Variants in TENM2 observed in about 807,000 individuals in gnomAD.
The protein encoded by TENM2 is teneurin-2.
In TENM2, 52 loss-of-function variants were observed where a neutral mutation model predicts 245.2. The observed-to-expected ratio is 0.21, with a 90% CI of 0.17 to 0.27. The LOEUF is 0.27. Among genes scored for constraint, TENM2 ranks in the 10% least tolerant of loss-of-function variants. TENM2 has a pLI of 1.00. For missense variants in TENM2, 3,046 were observed against 3,666.8 expected (o/e 0.83, Z 4.37); for synonymous variants, 1,363 against 1,438.9 (o/e 0.95, Z 1.19).
chr5:167,523,506 G>A (rs1460315594), intron 2 of TENM2, among the ~76,000 whole-genome samples: 1 of 152,054 alleles, frequency 6.6e-6, no homozygotes, highest in African/African-American at 2.4e-5. Context: ...ACACATAAAT[G>A]TGTAGACACA....
chr5:167,959,244 GAGTGC>G (rs1733255476), intron 4 of TENM2, among the ~76,000 whole-genome samples: 3 of 150,426 alleles, frequency 2.0e-5, no homozygotes, highest in African/African-American at 7.4e-5. Context: ...GCCCAGGCTG[GAGTGC>G]AGTGGCGCGA....
chr5:167,639,995 T>A lies in TENM2; in HGVS notation c.503-235991T>A, dbSNP rs184035608. The stretch of plus-strand genomic sequence containing the variant: ...GATTTGTCACCAAAATGACACAGCC[T>A]GATAGTGCAGTTCTAGGAAATTATG... On this transcript the variant is annotated intron_variant, in intron 2 of 28. Transcript: ENST00000518659. Among the ~76,000 whole-genome samples the A allele has an allele frequency of 2.8e-4, 43 of 152,352 alleles. 2 individuals are homozygous for A. The East Asian group carries it at 7.3e-3, about 26-fold the overall frequency.
chr5:167,709,672 C>T (rs1758775489), intron 2 of TENM2, among the ~76,000 whole-genome samples: 1 of 152,140 alleles, frequency 6.6e-6, no homozygotes, highest in Non-Finnish European at 1.5e-5. Context: ...CTCAATCTCC[C>T]CTCTCTTCAG....
At chr5:168,131,059 A>G (rs1443576339) in intron 12 of TENM2, among the ~76,000 whole-genome samples, 1 of 152,224 alleles carries the variant, frequency 6.6e-6, no homozygotes, top group East Asian at 1.9e-4. Context: ...GCGTGTGTTA[A>G]TGAGCAGAAC....
Position 168,203,672 on chromosome 5 carries a change from C to T in TENM2, c.3431-17C>T, listed in dbSNP as rs759466274. On this transcript the variant is annotated splice_polypyrimidine_tract_variant and intron_variant, in intron 17 of 28. Transcript: ENST00000518659. ...CTCTCTTTTCTCTCACTCTGCCCCA[C>T]CCCTTTTATCTTTCAGTGTCTGTCG... is the stretch of plus-strand genomic sequence containing the variant. The T allele has an allele frequency of 3.8e-6, 6 of 1,583,294 alleles. No individual in the cohort carries two copies. The East Asian group carries it at 1.1e-4, about 30-fold the overall frequency.
rs930511858 is a variant in TENM2 at position 168,102,053 on chromosome 5, T to G, written c.1813+3926T>G. On this transcript the variant is annotated intron_variant, in intron 9 of 28. Transcript: ENST00000518659. ...TTATAGTTCCATAGTTTTTTTGTTT[T>G]TGTGTGTGTGTGTGTGCGTTTTGTT... Among the ~76,000 whole-genome samples the G allele has an allele frequency of 1.2e-4, 18 of 151,106 alleles. No homozygotes were observed. In the South Asian group the frequency reaches 1.7e-3, roughly 14 times the overall value.
the TENM2 span, among the ~76,000 whole-genome samples, chr5:167,211,716 G>A: frequency 6.6e-6 from 1 of 151,998 alleles, no homozygotes; most frequent in Non-Finnish European, 1.5e-5. Flanking sequence ...GGTAGCCCCA[G>A]GCATTGACTG....
At chr5:168,118,416 G>A (rs898723814) in exon 10 of TENM2, 2 of 1,610,594 alleles carry the variant, frequency 1.2e-6, no homozygotes, top group Admixed American at 3.3e-5. Context: ...CTTCCTGCGG[G>A]GGCCACGGCT....
chr5:168,165,222 A>C (rs1375110028), intron 13 of TENM2: 6 of 152,170 alleles, frequency 3.9e-5, no homozygotes, highest in African/African-American at 1.4e-4. Context: ...TCATTTTTTA[A>C]CAAGTTAAGG....
the TENM2 span, among the ~76,000 whole-genome samples, chr5:167,225,696 A>T: frequency 6.6e-6 from 1 of 151,896 alleles, no homozygotes; most frequent in African/African-American, 2.4e-5. Flanking sequence ...GTTAGGAAGA[A>T]TTTCTTTCTC....
At chr5:167,353,507 T>G (rs1759084502) in intron 1 of TENM2, among the ~76,000 whole-genome samples, 2 of 114,040 alleles carry the variant, frequency 1.8e-5, no homozygotes, top group Admixed American at 9.0e-5. Flanking sequence ...GTTGTTTTTT[T>G]TTTTTTTTTT....
the TENM2 span, among the ~76,000 whole-genome samples, chr5:167,080,500 T>C: frequency 6.6e-6 from 1 of 152,188 alleles, no homozygotes; most frequent in Admixed American, 6.5e-5. Context: ...CTTCCACTCC[T>C]TCACCTTGGC....
intron 2 of TENM2, among the ~76,000 whole-genome samples, chr5:167,462,012 T>A (rs1766324247): frequency 6.6e-6 from 1 of 152,158 alleles, no homozygotes; most frequent in Non-Finnish European, 1.5e-5. Context: ...TCAAAATCAG[T>A]GCATCTTCAA....
chr5:167,880,843 C>G (rs1773820095), intron 3 of TENM2, among the ~76,000 whole-genome samples: 1 of 152,190 alleles, frequency 6.6e-6, no homozygotes, highest in African/African-American at 2.4e-5. Flanking sequence ...ATTGCATGCC[C>G]TATAGGCAAT....
intron 2 of TENM2, among the ~76,000 whole-genome samples, chr5:167,431,679 C>T (rs1026109374): frequency 2.6e-5 from 4 of 151,686 alleles, no homozygotes; most frequent in Non-Finnish European, 5.9e-5. Flanking sequence ...AGACATTTAT[C>T]GATTTATATA....
the TENM2 span, among the ~76,000 whole-genome samples, chr5:167,178,435 G>A: frequency 6.6e-6 from 1 of 152,124 alleles, no homozygotes. Flanking sequence ...CATCCTGGTC[G>A]GGGCTCTTGG....
At chr5:167,104,279 G>T in the TENM2 span, among the ~76,000 whole-genome samples, 1 of 152,210 alleles carries the variant, frequency 6.6e-6, no homozygotes, top group African/African-American at 2.4e-5. Context: ...ACATGTTTTG[G>T]CAATAAGAGA....
At chr5:167,222,233 T>C in the TENM2 span, among the ~76,000 whole-genome samples, 3 of 152,166 alleles carry the variant, frequency 2.0e-5, no homozygotes, top group Non-Finnish European at 4.4e-5. Flanking sequence ...GCCAAGCAAA[T>C]GAATCTGCCT....
chr5:168,165,823 G>T (rs1758242664), intron 13 of TENM2: 1 of 150,136 alleles, frequency 6.7e-6, no homozygotes, highest in Non-Finnish European at 1.5e-5. Flanking sequence ...AAGGCTGCAT[G>T]GTGTTTATGA....
Sources: gnomAD v4.1 joint callset for allele counts (sites outside exome capture counted in the v4.1 genomes callset) on GRCh38, gnomAD v4.1.1 for gene constraint, MANE v1.5 for transcripts, NCBI Gene and HGNC (gene_info 2026-07-23, HGNC 2026-07-21) for gene names.